Variants in WRAP73 observed in about 807,000 individuals in gnomAD.
The protein encoded by WRAP73 is WD repeat-containing protein WRAP73.
Under a neutral mutation model 59.6 loss-of-function variants are expected in WRAP73, and 55 were observed. The observed-to-expected ratio is 0.92, with a 90% CI of 0.74 to 1.15. WRAP73 has a LOEUF of 1.15. Among genes scored for constraint, WRAP73 ranks in the 50% most tolerant of loss-of-function variants. WRAP73 has a pLI of 0.00. For missense variants in WRAP73, 592 were observed against 608.1 expected (o/e 0.97, Z 0.28); for synonymous variants, 265 against 258.2 (o/e 1.03, Z -0.25).
rs924792105 is a variant in WRAP73 at position 3,639,778 on chromosome 1, C to T, written c.340-956G>A. Among the ~76,000 whole-genome samples the T allele has an allele frequency of 4.0e-4, 60 of 151,812 alleles. No homozygotes were observed. Among genetic ancestry groups the T allele is most frequent in the African/African-American group, 1.4e-3 (56 of 41,294 alleles). On this transcript the variant is annotated intron_variant, in intron 3 of 11. Coordinates refer to ENST00000270708, the MANE Select transcript of WRAP73 (RefSeq NM_017818.4). This position sits in a 1 kb window ranked among gnomAD's most constrained non-coding sequence, Gnocchi z 4.3. ...GGGGTGGGGTGCTGACTGCCAGCTC[C>T]GTGTGTGGGGACACAGGGCTGCGCA...
In WRAP73 at chr1:3,632,877, G is replaced by A. The variant is rs192626853; in HGVS notation, c.922+521C>T. 1.6e-4 allele frequency: 34 copies of A among 206,178 alleles called. 1 individual carries two copies. In the East Asian group the frequency reaches 4.2e-3, roughly 25 times the overall value. The allele number at this position is 206,178 out of a possible 1,614,324, so 12.8% of individuals were successfully genotyped here. On this transcript the variant is annotated intron_variant, in intron 9 of 11. Transcript: ENST00000270708. ...ACACACCGAGCCCCGGGGTGGGCCC[G>A]TCGGCACTTGGGGCACCGCTTCCTC...
At chr1:3,635,876 C>G in intron 6 of WRAP73, 68 bp downstream of exon 6, 1 of 1,309,558 alleles carries the variant, frequency 7.6e-7, no homozygotes, top group Non-Finnish European at 1.1e-6. Flanking sequence ...TATATTGCAG[C>G]ATTCAGAAAG....
intron 1 of WRAP73, 71 bp downstream of exon 1, chr1:3,649,860 C>A: frequency 6.6e-7 from 1 of 1,521,602 alleles, no homozygotes; most frequent in Non-Finnish European, 8.8e-7. Context: ...ACGCGGCCGC[C>A]CCCGGCCCTG....
At position 3,636,985 on chromosome 1, in the gene WRAP73, G is replaced by A; in HGVS notation, c.516+10C>T. ...AGGACAACTTTATTCCAGTCTGGGG[G>A]ACGCCTTACCCGCAGGAGCTGCCAA... On this transcript the variant is annotated intron_variant, in intron 5 of 11. Transcript: ENST00000270708. 1 of 1,613,078 alleles carries A rather than the reference G, an allele frequency of 6.2e-7. No homozygotes were observed. Among genetic ancestry groups the A allele is most frequent in the Non-Finnish European group, 8.5e-7 (1 of 1,179,554 alleles).
intron 11 of WRAP73, 123 bp downstream of exon 11, chr1:3,631,341 ACT>A (rs1644530538): frequency 3.7e-6 from 5 of 1,365,846 alleles, no homozygotes; most frequent in African/African-American, 1.5e-5. Flanking sequence ...TTACGCAAAG[ACT>A]CTGAGGGCAG....
In WRAP73 at chr1:3,632,236, C is replaced by A. The variant is rs986514061; in HGVS notation, c.1025G>T (p.Ser342Ile). ...GIGMLAFSPD[S>I]YFLATRNDNI... ...ACCGTTCCTTGTCGCCAGGAAGTAG[C>A]TGTCAGGACTAAATGCCAGCATTCC... Residue 342 changes from serine (S) to isoleucine (I), a missense_variant, in exon 10 of 12, where the codon AGC becomes ATC. By Grantham distance (142) the Ser-to-Ile change is moderately radical. Coordinates refer to ENST00000270708, the MANE Select transcript of WRAP73 (RefSeq NM_017818.4). 4 of 1,613,982 alleles carry A rather than the reference C, an allele frequency of 2.5e-6. No individual in the cohort carries two copies. The highest frequency in any genetic ancestry group is 1.1e-5 in the South Asian group (1 of 91,072).
At position 3,631,490 on chromosome 1, in the gene WRAP73, T is replaced by C; in HGVS notation, c.1216A>G (p.Met406Val). ...CCTTCCCCAGGCACCTGCACCGACA[T>C]GCAGCCCGCTGGGGACCACAGGTAG... ...RLYLWSPAGC[M>V]SVQVPGEGDF... Residue 406 changes from methionine (M) to valine (V), a missense_variant, in exon 11 of 12, where the codon ATG becomes GTG. Met to Val is a conservative substitution (Grantham distance 21). Transcript: ENST00000270708. 4 of 1,605,832 alleles carry C rather than the reference T, an allele frequency of 2.5e-6. No individual in the cohort carries two copies. The highest frequency in any genetic ancestry group is 2.7e-5 in the African/African-American group (2 of 74,930).
At chr1:3,647,791 T>C (rs774822003) in intron 1 of WRAP73, among the ~76,000 whole-genome samples, 1 of 152,252 alleles carries the variant, frequency 6.6e-6, no homozygotes, top group African/African-American at 2.4e-5. Flanking sequence ...TTGTAAAGTA[T>C]AAAAGTATGT....
At chr1:3,633,270 C>T (rs1159520348) in intron 9 of WRAP73, 128 bp downstream of exon 9, 2 of 871,246 alleles carry the variant, frequency 2.3e-6, no homozygotes, top group African/African-American at 3.4e-5. Context: ...GAGGGGCACA[C>T]TGGCTGGAAG....
intron 1 of WRAP73, among the ~76,000 whole-genome samples, chr1:3,649,056 G>A (rs1461816958): frequency 6.6e-6 from 1 of 152,162 alleles, no homozygotes; most frequent in African/African-American, 2.4e-5. Context: ...TAAGGAAAAC[G>A]AAGCCCACTT....
At position 3,646,619 on chromosome 1, in the gene WRAP73, A is replaced by G; in HGVS notation, c.339+47T>C. The G allele has an allele frequency of 6.7e-7, 1 of 1,503,484 alleles. No homozygotes were observed. Among genetic ancestry groups the G allele is most frequent in the Non-Finnish European group, 9.1e-7 (1 of 1,097,242 alleles). 93.1% of individuals were successfully genotyped at this position (1,503,484 alleles called of 1,614,324 possible). On this transcript the variant is annotated intron_variant, in intron 3 of 11. Coordinates refer to ENST00000270708, the MANE Select transcript of WRAP73 (RefSeq NM_017818.4). The surrounding 1 kb of genome is among the most constrained non-coding windows in gnomAD (Gnocchi z 5.1). ...CACTCCCCAGCTGTTTCGAGAGCAG[A>G]GGACAGGATCACATGGCCAGTAAGG...
chr1:3,635,900 G>T (rs1220531915), intron 6 of WRAP73, 44 bp downstream of exon 6: 1 of 1,523,978 alleles, frequency 6.6e-7, no homozygotes, highest in Non-Finnish European at 9.1e-7. Flanking sequence ...GAAATTCCGG[G>T]AAAAGCTCTC....
Position 3,649,995 on chromosome 1 carries a change from T to C in WRAP73, c.5A>G (p.Asn2Ser), listed in dbSNP as rs1283696027. Reference sequence around the variant, plus strand: ...GGAGAGCTTGAATACCTCGGAGAAGTTCATGGCCGCCGCCTGCCGCGGGCG... The same window carrying C: ...GGAGAGCTTGAATACCTCGGAGAAGCTCATGGCCGCCGCCTGCCGCGGGCG... M[N>S]FSEVFKLSSL... Residue 2 changes from asparagine to serine, a missense_variant, in exon 1 of 12, where the codon AAC (asparagine) becomes AGC (serine). By Grantham distance (46) the Asn-to-Ser change is conservative. Coordinates refer to ENST00000270708, the MANE Select transcript of WRAP73 (RefSeq NM_017818.4). 3 of 1,591,440 alleles carry C rather than the reference T, an allele frequency of 1.9e-6. No homozygotes were observed. The highest frequency in any genetic ancestry group is 1.4e-5 in the African/African-American group (1 of 72,934).
chr1:3,635,754 G>A (rs1271149006), intron 6 of WRAP73, 190 bp downstream of exon 6: 6 of 573,246 alleles, frequency 1.0e-5, no homozygotes, highest in Non-Finnish European at 1.8e-5. Context: ...CCAGGAGGTC[G>A]AGGCTGCAGT....
chr1:3,634,585 A>G (rs1487350050), intron 8 of WRAP73: 2 of 230,168 alleles, frequency 8.7e-6, no homozygotes, highest in Non-Finnish European at 1.8e-5. Flanking sequence ...CTGTCTCTCC[A>G]GCCGCACTCT....
intron 9 of WRAP73, chr1:3,632,933 CT>C (rs1373257108): frequency 4.4e-6 from 1 of 224,894 alleles, no homozygotes; most frequent in Non-Finnish European, 8.9e-6. Context: ...CCTCATGCCC[CT>C]GTGGGATGGG....
intron 3 of WRAP73, among the ~76,000 whole-genome samples, chr1:3,643,296 A>G (rs1231447050): frequency 3.9e-5 from 6 of 152,248 alleles, no homozygotes; most frequent in Non-Finnish European, 5.9e-5. Flanking sequence ...GTGAGACTCA[A>G]GAACAGTGAG....
intron 10 of WRAP73, chr1:3,631,863 C>G: frequency 2.1e-6 from 3 of 1,398,266 alleles, no homozygotes; most frequent in Non-Finnish European, 2.8e-6. Flanking sequence ...GTAAGGGGCC[C>G]AAATGTGTTT....
rs1644579619 is a variant in WRAP73 at position 3,635,307 on chromosome 1, C to T, written c.604-13G>A. 6.2e-7 allele frequency: 1 copy of T among 1,613,404 alleles called. No homozygotes were observed. The highest frequency in any genetic ancestry group is 1.3e-5 in the African/African-American group (1 of 74,934). On this transcript the variant is annotated splice_polypyrimidine_tract_variant and intron_variant, in intron 6 of 11. Coordinates refer to ENST00000270708, the MANE Select transcript of WRAP73 (RefSeq NM_017818.4). ...GCAGAATCTTGTACTGCAGATGAGA[C>T]ATTTCAGTTAATAATGAATACACCC... is the stretch of plus-strand genomic sequence containing the variant.
Sources: allele counts gnomAD v4.1 joint callset (sites outside exome capture counted in the v4.1 genomes callset), GRCh38; gene constraint gnomAD v4.1.1; non-coding constraint Gnocchi (gnomAD v3.1); transcripts MANE v1.5; gene names NCBI Gene and HGNC (gene_info 2026-07-23, HGNC 2026-07-21).